Variants in PARM1 observed in about 807,000 individuals in gnomAD.
PARM1 encodes the protein WSC4, cell wall integrity and stress response component 4 homolog.
A neutral mutation model predicts 24.6 loss-of-function variants in PARM1; 14 were observed. That is an observed-to-expected ratio of 0.57 (90% CI 0.38 to 0.89). The LOEUF (loss-of-function observed/expected upper bound fraction) is 0.89. Ranked by LOEUF, PARM1 falls within the 40% of genes least tolerant of loss-of-function variation. PARM1 has a pLI of 0.00. For synonymous variants in PARM1, 179 were observed against 156.6 expected (o/e 1.14, Z -1.07); for missense variants, 362 against 380.4 (o/e 0.95, Z 0.40).
chr4:74,964,925 C>T (rs905203595), intron 1 of PARM1, among the ~76,000 whole-genome samples: 2 of 152,140 alleles, frequency 1.3e-5, no homozygotes, highest in African/African-American at 4.8e-5. Context: ...TAGGAATAGA[C>T]TTGCCTAAAG....
At chr4:74,964,814 A>G (rs1721865584) in intron 1 of PARM1, among the ~76,000 whole-genome samples, 1 of 152,206 alleles carries the variant, frequency 6.6e-6, no homozygotes, top group Non-Finnish European at 1.5e-5. Flanking sequence ...GGTAGTGACT[A>G]GCAACTAAAC....
chr4:74,971,115 A>T (rs1452708784), intron 1 of PARM1, among the ~76,000 whole-genome samples: 1 of 152,220 alleles, frequency 6.6e-6, no homozygotes, highest in Non-Finnish European at 1.5e-5. Context: ...AGGGCAAATA[A>T]AGACATATCC....
Position 75,049,856 on chromosome 4 carries a change from C to G in PARM1, c.*3609C>G, listed in dbSNP as rs1017502649. On this transcript the variant is annotated 3_prime_UTR_variant, in exon 4 of 4. Transcript: ENST00000307428. ...TTGATTCACCTTCTTTGCCTTTAAG[C>G]CTTTTTTTTCTTTTTTTTTTTTTTG... 2 of 129,590 alleles carry G rather than the reference C, an allele frequency of 1.5e-5. No individual in the cohort carries two copies. Among genetic ancestry groups the G allele is most frequent in the Non-Finnish European group, 3.2e-5 (2 of 62,120 alleles). 8.0% of individuals were successfully genotyped at this position (129,590 alleles called of 1,614,324 possible).
At chr4:74,951,574 T>G (rs1048951404) in intron 1 of PARM1, among the ~76,000 whole-genome samples, 3 of 152,178 alleles carry the variant, frequency 2.0e-5, no homozygotes, top group African/African-American at 7.2e-5. Flanking sequence ...TTTCTCCTAA[T>G]GCTGTCCCTC....
intron 1 of PARM1, among the ~76,000 whole-genome samples, chr4:74,971,829 T>C (rs1722043518): frequency 6.6e-6 from 1 of 152,164 alleles, no homozygotes; most frequent in Non-Finnish European, 1.5e-5. Flanking sequence ...TAGTCTAGAC[T>C]CTTCTTTCTA....
intron 1 of PARM1, among the ~76,000 whole-genome samples, chr4:74,993,437 A>C (rs187131983): frequency 6.6e-6 from 1 of 152,300 alleles, no homozygotes. Flanking sequence ...GAGAGGATCC[A>C]GCTGAACTGC....
intron 1 of PARM1, among the ~76,000 whole-genome samples, chr4:74,940,396 C>G (rs1177967118): frequency 1.3e-5 from 2 of 152,174 alleles, no homozygotes; most frequent in South Asian, 2.1e-4. Context: ...TCTTACAGTT[C>G]TAGAGATTGG....
At chr4:75,001,004 TCTAA>T (rs1202767459) in intron 1 of PARM1, among the ~76,000 whole-genome samples, 1 of 152,212 alleles carries the variant, frequency 6.6e-6, no homozygotes, top group Non-Finnish European at 1.5e-5. Flanking sequence ...TGTCCTACTT[TCTAA>T]CTGTGTATCT....
chr4:74,959,996 T>A (rs1721732921), intron 1 of PARM1, among the ~76,000 whole-genome samples: 1 of 152,370 alleles, frequency 6.6e-6, no homozygotes, highest in South Asian at 2.1e-4. Context: ...TAGTAAATTT[T>A]GGTTAATTTC....
chr4:74,986,922 G>T (rs1018448776), intron 1 of PARM1, among the ~76,000 whole-genome samples: 1 of 151,048 alleles, frequency 6.6e-6, no homozygotes, highest in African/African-American at 2.5e-5. Context: ...GGGCTCTGGA[G>T]TCAGGTCAGA....
intron 1 of PARM1, among the ~76,000 whole-genome samples, chr4:74,976,947 T>A (rs907860111): frequency 6.6e-6 from 1 of 151,788 alleles, no homozygotes; most frequent in Non-Finnish European, 1.5e-5. Context: ...AAAAACCCTA[T>A]CCAAAGGTCA....
rs1055399670 is a variant in PARM1, at chr4:74,960,870, C to T, written c.43+27500C>T. ...AAAAATACAAAAAAAAAAAAATTAG[C>T]GGGGTGTGGTGGCAGGCCCCTGTAG... On this transcript the variant is annotated intron_variant, in intron 1 of 3. Coordinates refer to ENST00000307428, the MANE Select transcript of PARM1 (RefSeq NM_015393.4). 5.3e-5 allele frequency among the ~76,000 whole-genome samples: 8 copies of T among 150,972 alleles called. 1 individual carries two copies. The highest frequency in any genetic ancestry group is 1.2e-4 in the Non-Finnish European group (8 of 67,742).
At chr4:74,961,315 C>G (rs1180612612) in intron 1 of PARM1, among the ~76,000 whole-genome samples, 2 of 151,812 alleles carry the variant, frequency 1.3e-5, no homozygotes, top group Non-Finnish European at 2.9e-5. Context: ...TGTGGGATAT[C>G]ATCAAGCAGA....
intron 1 of PARM1, among the ~76,000 whole-genome samples, chr4:74,969,132 TCTC>T (rs1273571280): frequency 1.3e-5 from 2 of 152,144 alleles, no homozygotes; most frequent in African/African-American, 4.8e-5. Flanking sequence ...ATACAGGGCT[TCTC>T]CTGGCAATGA....
At chr4:75,017,562 C>T (rs576073127) in intron 2 of PARM1, among the ~76,000 whole-genome samples, 2 of 152,206 alleles carry the variant, frequency 1.3e-5, no homozygotes, top group Admixed American at 1.3e-4. Context: ...TAGTAACCCC[C>T]ATCACTACTG....
intron 1 of PARM1, among the ~76,000 whole-genome samples, chr4:75,002,386 A>G (rs1722697110): frequency 6.6e-6 from 1 of 152,188 alleles, no homozygotes; most frequent in Non-Finnish European, 1.5e-5. Context: ...CCCCTCGACT[A>G]GGCAACAGAT....
intron 1 of PARM1, among the ~76,000 whole-genome samples, chr4:74,989,778 A>C (rs771388360): frequency 6.6e-6 from 1 of 152,142 alleles, no homozygotes; most frequent in Non-Finnish European, 1.5e-5. Context: ...GCCACCAGTC[A>C]TCTCGTGAGC....
Position 75,048,502 on chromosome 4 carries a change from C to T in PARM1, c.*2255C>T, listed in dbSNP as rs1415533523. On this transcript the variant is annotated 3_prime_UTR_variant, in exon 4 of 4. Transcript: ENST00000307428. ...GAAAAGCAGATAAAAACAGAACATT[C>T]CATATGTTTCTTTCTCCATCGGCCA... The T allele has an allele frequency of 6.6e-6, 1 of 152,186 alleles. No individual in the cohort carries two copies. The highest frequency in any genetic ancestry group is 1.5e-5 in the Non-Finnish European group (1 of 68,038). 9.4% of individuals were successfully genotyped at this position (152,186 alleles called of 1,614,324 possible).
chr4:74,938,348 A>C (rs868501336), intron 1 of PARM1, among the ~76,000 whole-genome samples: 1 of 152,352 alleles, frequency 6.6e-6, no homozygotes, highest in Middle Eastern at 3.4e-3. Flanking sequence ...TAAATGAAGG[A>C]ATCCTGCAAT....
Sources: allele counts gnomAD v4.1 joint callset (sites outside exome capture counted in the v4.1 genomes callset), GRCh38; gene constraint gnomAD v4.1.1; transcripts MANE v1.5; gene names NCBI Gene and HGNC (gene_info 2026-07-23, HGNC 2026-07-21).